The following CACNA2D3 variants were observed in gnomAD, a reference collection of about 807,000 sequenced individuals.
CACNA2D3 encodes calcium voltage-gated channel auxiliary subunit alpha2delta 3.
In CACNA2D3, 60 loss-of-function variants were observed where a neutral mutation model predicts 160.6. That is an observed-to-expected ratio of 0.37 (90% CI 0.30 to 0.46). The LOEUF is 0.46. Among genes scored for constraint, CACNA2D3 ranks in the 20% least tolerant of loss-of-function variants. The probability of loss-of-function intolerance (pLI) is 1.00; values close to 1 mark genes in which losing one functional copy is unlikely to be tolerated. For missense variants in CACNA2D3, 1,205 were observed against 1,365.0 expected (o/e 0.88, Z 1.85); for synonymous variants, 558 against 492.9 (o/e 1.13, Z -1.75).
intron 2 of CACNA2D3, among the ~76,000 whole-genome samples, chr3:54,315,288 A>G (rs141887253): frequency 2.4e-4 from 36 of 152,204 alleles, no homozygotes; most frequent in African/African-American, 8.2e-4. Context: ...GGAAGGCTCC[A>G]AGCTCACCCC....
intron 27 of CACNA2D3, among the ~76,000 whole-genome samples, chr3:54,910,155 C>T (rs1700526666): frequency 6.6e-6 from 1 of 152,268 alleles, no homozygotes; most frequent in Middle Eastern, 3.4e-3. Flanking sequence ...CACAATTATA[C>T]ATGACACAGC....
At chr3:54,545,621 G>T (rs1460323694) in intron 5 of CACNA2D3, among the ~76,000 whole-genome samples, 1 of 152,088 alleles carries the variant, frequency 6.6e-6, no homozygotes. Context: ...TATCTGCCAT[G>T]CAGTTTTAGA....
intron 3 of CACNA2D3, among the ~76,000 whole-genome samples, chr3:54,350,966 C>CGGTTTTTTTTTTTTTTTTT (rs1559457706): frequency 4.7e-5 from 3 of 63,284 alleles, no homozygotes; most frequent in Non-Finnish European, 1.1e-4. Flanking sequence ...GATCTTGAGT[C>CGGTTTTTTTTTTTTTTTTT]TGTTTTTTTT....
intron 11 of CACNA2D3, among the ~76,000 whole-genome samples, chr3:54,726,289 A>T (rs970997666): frequency 6.6e-5 from 10 of 152,248 alleles, no homozygotes; most frequent in African/African-American, 2.4e-4. Flanking sequence ...AAAATATTCC[A>T]TGCTCATGGT....
At chr3:54,735,740 G>A (rs1036401360) in intron 11 of CACNA2D3, among the ~76,000 whole-genome samples, 10 of 151,622 alleles carry the variant, frequency 6.6e-5, no homozygotes, top group African/African-American at 2.4e-4. Context: ...TATATTCCTA[G>A]TACCTCAGAG....
intron 17 of CACNA2D3, among the ~76,000 whole-genome samples, chr3:54,861,573 C>A (rs556580917): frequency 1.3e-5 from 2 of 152,194 alleles, no homozygotes; most frequent in South Asian, 4.1e-4. Context: ...GAAAGAATCT[C>A]TCTGGCTGGA....
At chr3:54,835,340 A>G (rs1191694539) in intron 14 of CACNA2D3, among the ~76,000 whole-genome samples, 1 of 152,220 alleles carries the variant, frequency 6.6e-6, no homozygotes, top group Non-Finnish European at 1.5e-5. Context: ...ATTTTAATAT[A>G]CATACGAATC....
chr3:55,034,200 A>T (rs1043816773), intron 35 of CACNA2D3, among the ~76,000 whole-genome samples: 2 of 151,974 alleles, frequency 1.3e-5, no homozygotes, highest in African/African-American at 4.8e-5. Context: ...AGTTATATTC[A>T]TACCAACACG....
At chr3:54,316,527 C>T (rs78772602) in intron 2 of CACNA2D3, among the ~76,000 whole-genome samples, 2 of 152,278 alleles carry the variant, frequency 1.3e-5, no homozygotes, top group African/African-American at 4.8e-5. Flanking sequence ...ATATTCTTGG[C>T]TCGTTTGCAA....
chr3:54,918,577 G>A, intron 27 of CACNA2D3: 1 of 1,614,080 alleles, frequency 6.2e-7, no homozygotes, highest in Non-Finnish European at 8.5e-7. Flanking sequence ...GCCATAGATG[G>A]CAGCTGCCAA....
At chr3:54,712,837 A>G (rs1413784582) in intron 11 of CACNA2D3, among the ~76,000 whole-genome samples, 1 of 152,192 alleles carries the variant, frequency 6.6e-6, no homozygotes, top group East Asian at 1.9e-4. Context: ...ACTCTCTTCC[A>G]CTTTAAACAA....
chr3:54,985,443 AC>A (rs1702593749), intron 30 of CACNA2D3, among the ~76,000 whole-genome samples: 1 of 152,226 alleles, frequency 6.6e-6, no homozygotes, highest in African/African-American at 2.4e-5. Flanking sequence ...TAAAATACAA[AC>A]AAGTTCAACA....
At chr3:54,530,181 A>T (rs985996263) in intron 5 of CACNA2D3, among the ~76,000 whole-genome samples, 3 of 152,148 alleles carry the variant, frequency 2.0e-5, no homozygotes, top group South Asian at 2.1e-4. Flanking sequence ...CAGTGACACC[A>T]ATGAGACTAT....
chr3:54,417,926 A>G lies in CACNA2D3; in HGVS notation c.381+31152A>G, dbSNP rs547602212. Among the ~76,000 whole-genome samples the G allele has an allele frequency of 9.2e-5, 14 of 152,172 alleles. No individual in the cohort carries two copies. The East Asian group carries it at 2.7e-3, about 30-fold the overall frequency. On this transcript the variant is annotated intron_variant, in intron 4 of 37. Transcript: ENST00000474759. ...CTCAGCCTCCTAAATAGCTGGGACT[A>G]TAGGCATATGCCACCACACCCAGGT...
At chr3:54,822,162 A>T (rs908455113) in intron 14 of CACNA2D3, among the ~76,000 whole-genome samples, 1 of 152,172 alleles carries the variant, frequency 6.6e-6, no homozygotes, top group African/African-American at 2.4e-5. Context: ...AGTAACATGT[A>T]AGGTACTTTT....
At chr3:54,887,924 TGCTGAA>T (rs1481095113) in intron 23 of CACNA2D3, 29 bp from the exon 24 acceptor site, 1 of 1,563,312 alleles carries the variant, frequency 6.4e-7, no homozygotes, top group Non-Finnish European at 8.8e-7. Flanking sequence ...CTTCCAGCCC[TGCTGAA>T]GCATCCTCTT....
intron 27 of CACNA2D3, chr3:54,924,830 T>G: frequency 6.2e-7 from 1 of 1,614,022 alleles, no homozygotes; most frequent in Non-Finnish European, 8.5e-7. Flanking sequence ...TTATGTTGTT[T>G]GATGACAAAT....
rs185080633 is a variant in CACNA2D3 at position 54,318,894 on chromosome 3, G to C, written c.205-1548G>C. On this transcript the variant is annotated intron_variant, in intron 2 of 37. Transcript: ENST00000474759. ...AAACAAAAAAAAATTTGTAGAGACT[G>C]GGTCTCACTATGTTGCTCAGGCTAA... Among the ~76,000 whole-genome samples the C allele has an allele frequency of 5.6e-4, 85 of 152,126 alleles. 1 individual carries two copies. The East Asian group carries it at 0.015, about 27-fold the overall frequency.
intron 4 of CACNA2D3, among the ~76,000 whole-genome samples, chr3:54,388,979 T>C (rs1332977597): frequency 6.6e-6 from 1 of 151,720 alleles, no homozygotes; most frequent in African/African-American, 2.4e-5. Flanking sequence ...TGAGTCCGCT[T>C]GATAATAAAT....
Sources: allele counts gnomAD v4.1 joint callset (sites outside exome capture counted in the v4.1 genomes callset), GRCh38; gene constraint gnomAD v4.1.1; transcripts MANE v1.5; gene names NCBI Gene and HGNC (gene_info 2026-07-23, HGNC 2026-07-21).